The following CAPZB variants were observed in gnomAD, a reference collection of about 807,000 sequenced individuals.
The protein encoded by CAPZB is capping actin protein of muscle Z-line subunit beta, also known as F-actin-capping protein subunit beta.
Under a neutral mutation model 38.1 loss-of-function variants are expected in CAPZB, and 2 were observed. That is an observed-to-expected ratio of 0.05 (90% CI 0.02 to 0.17). The LOEUF (loss-of-function observed/expected upper bound fraction) is 0.17. CAPZB is among the 10% of genes least tolerant of loss of function. The pLI is 1.00. For synonymous variants in CAPZB, 107 were observed against 127.4 expected (o/e 0.84, Z 1.08); for missense variants, 161 against 334.2 (o/e 0.48, Z 4.04).
At chr1:19,410,355 G>C (rs1291143612) in intron 2 of CAPZB, among the ~76,000 whole-genome samples, 2 of 152,220 alleles carry the variant, frequency 1.3e-5, no homozygotes, top group East Asian at 3.8e-4. Flanking sequence ...GGTTCTTGCA[G>C]TGCACTGCTT....
At chr1:19,367,957 G>T (rs1348983176) in intron 4 of CAPZB, among the ~76,000 whole-genome samples, 1 of 152,158 alleles carries the variant, frequency 6.6e-6, no homozygotes, top group Non-Finnish European at 1.5e-5. Flanking sequence ...TGGACTACTT[G>T]TGAAAACACT....
At chr1:19,440,107 C>T (rs2094470921) in intron 1 of CAPZB, among the ~76,000 whole-genome samples, 1 of 152,210 alleles carries the variant, frequency 6.6e-6, no homozygotes, top group Non-Finnish European at 1.5e-5. Flanking sequence ...CAAGGCAGAA[C>T]CATTCAGGAA....
chr1:19,433,546 C>T (rs1353998768), intron 1 of CAPZB, among the ~76,000 whole-genome samples: 1 of 152,172 alleles, frequency 6.6e-6, no homozygotes, highest in East Asian at 1.9e-4. Flanking sequence ...CCAAAGACAT[C>T]GGGGAGAAGC....
chr1:19,423,692 T>A (rs992339400), intron 1 of CAPZB, among the ~76,000 whole-genome samples: 6 of 151,882 alleles, frequency 4.0e-5, no homozygotes, highest in African/African-American at 1.5e-4. Flanking sequence ...GCCTGGTTAA[T>A]TTTTGTTTTT....
At chr1:19,472,196 A>G (rs2094590971) in intron 1 of CAPZB, among the ~76,000 whole-genome samples, 3 of 152,236 alleles carry the variant, frequency 2.0e-5, no homozygotes, top group Admixed American at 2.0e-4. Context: ...TCCCAGGAAT[A>G]TTACCTAGTG....
intron 2 of CAPZB, among the ~76,000 whole-genome samples, chr1:19,410,847 G>A (rs2094354196): frequency 6.6e-6 from 1 of 152,106 alleles, no homozygotes; most frequent in African/African-American, 2.4e-5. Flanking sequence ...GGAATCAAGA[G>A]GTGGGCTTGA....
chr1:19,366,790 G>A (rs973803756), intron 4 of CAPZB, among the ~76,000 whole-genome samples: 13 of 152,256 alleles, frequency 8.5e-5, no homozygotes, highest in Middle Eastern at 3.4e-3. Context: ...GCCATTCCCC[G>A]GCAGCTGAGG....
chr1:19,461,129 G>A (rs560663992), intron 1 of CAPZB, among the ~76,000 whole-genome samples: 3 of 152,146 alleles, frequency 2.0e-5, no homozygotes, highest in Admixed American at 2.0e-4. Flanking sequence ...AGCACAGCAC[G>A]TGGCTCATGG....
intron 1 of CAPZB, among the ~76,000 whole-genome samples, chr1:19,434,177 A>C (rs4244003): frequency 1 from 151,685 of 152,294 alleles, 75,543 homozygotes; most frequent in Middle Eastern, 1. Flanking sequence ...AGAGTCCTTG[A>C]AGGTCTGCAG....
intron 2 of CAPZB, among the ~76,000 whole-genome samples, chr1:19,412,494 G>A (rs2100449742): frequency 6.6e-6 from 1 of 152,196 alleles, no homozygotes; most frequent in Admixed American, 6.5e-5. Flanking sequence ...ATGTTGCCCA[G>A]GCTGGTCTTA....
At chr1:19,432,459 AAG>A (rs1395762117) in intron 1 of CAPZB, among the ~76,000 whole-genome samples, 2 of 152,256 alleles carry the variant, frequency 1.3e-5, no homozygotes, top group African/African-American at 4.8e-5. Context: ...ATTTGAAAAA[AAG>A]AATACTTATA....
At chr1:19,410,894 A>G (rs1163173667) in intron 2 of CAPZB, among the ~76,000 whole-genome samples, 1 of 152,138 alleles carries the variant, frequency 6.6e-6, no homozygotes, top group Admixed American at 6.5e-5. Flanking sequence ...CGCATCACCT[A>G]TCAGGTCAGA....
At chr1:19,468,097 C>T (rs955307919) in intron 1 of CAPZB, among the ~76,000 whole-genome samples, 5 of 152,072 alleles carry the variant, frequency 3.3e-5, no homozygotes, top group Non-Finnish European at 7.4e-5. Context: ...AGTGAGACCC[C>T]GCCTCCTAAA....
chr1:19,467,701 T>C (rs1315371942), intron 1 of CAPZB, among the ~76,000 whole-genome samples: 1 of 152,198 alleles, frequency 6.6e-6, no homozygotes, highest in African/African-American at 2.4e-5. Flanking sequence ...TTCTCTTCCA[T>C]CTGCTGCATG....
intron 1 of CAPZB, among the ~76,000 whole-genome samples, chr1:19,447,234 C>T (rs957039955): frequency 9.6e-5 from 14 of 145,738 alleles, no homozygotes; most frequent in African/African-American, 3.3e-4. Context: ...ACTTAAAACT[C>T]GACATAGACA....
chr1:19,360,871 A>G (rs1297541860), intron 4 of CAPZB, among the ~76,000 whole-genome samples: 1 of 152,178 alleles, frequency 6.6e-6, no homozygotes, highest in Non-Finnish European at 1.5e-5. Context: ...TGGGGTTACT[A>G]TTCTTTTACC....
At chr1:19,450,587 G>C (rs1381851700) in intron 1 of CAPZB, among the ~76,000 whole-genome samples, 1 of 152,174 alleles carries the variant, frequency 6.6e-6, no homozygotes, top group Non-Finnish European at 1.5e-5. Context: ...CTGAGGTAGG[G>C]AGAGGTTAAG....
At chr1:19,447,156 C>T (rs1289165117) in intron 1 of CAPZB, among the ~76,000 whole-genome samples, 1 of 152,046 alleles carries the variant, frequency 6.6e-6, no homozygotes, top group Non-Finnish European at 1.5e-5. Flanking sequence ...TTCTATCATC[C>T]TTCTGCAGAG....
chr1:19,451,021 G>C (rs2094514232), intron 1 of CAPZB, among the ~76,000 whole-genome samples: 1 of 152,156 alleles, frequency 6.6e-6, no homozygotes, highest in Non-Finnish European at 1.5e-5. Context: ...TGGTGCCAAG[G>C]AAAGACTGCT....
Sources: allele counts gnomAD v4.1 joint callset (sites outside exome capture counted in the v4.1 genomes callset), GRCh38; gene constraint gnomAD v4.1.1; transcripts MANE v1.5; gene names NCBI Gene and HGNC (gene_info 2026-07-23, HGNC 2026-07-21).